The following RAB11FIP5 variants were observed in gnomAD, a reference collection of about 807,000 sequenced individuals.
RAB11FIP5 encodes RAB11 family interacting protein 5, also known as rab11 family-interacting protein 5.
A neutral mutation model predicts 85.1 loss-of-function variants in RAB11FIP5; 48 were observed. The observed-to-expected ratio is 0.56, with a 90% CI of 0.45 to 0.72. The LOEUF is 0.72. Among genes scored for constraint, RAB11FIP5 ranks in the 30% least tolerant of loss-of-function variants. RAB11FIP5 has a pLI of 0.00. For missense variants in RAB11FIP5, 1,491 were observed against 1,687.0 expected (o/e 0.88, Z 2.04); for synonymous variants, 729 against 727.3 (o/e 1.00, Z -0.04).
At chr2:73,100,164 G>T (rs776437188) in intron 1 of RAB11FIP5, among the ~76,000 whole-genome samples, 14 of 152,166 alleles carry the variant, frequency 9.2e-5, no homozygotes, top group Non-Finnish European at 1.6e-4. Context: ...GGCTCCAGAG[G>T]AATCCTCTAG....
At position 73,107,937 on chromosome 2, in the gene RAB11FIP5, G is replaced by A. The variant is rs10199103; in HGVS notation, c.431+4410C>T. Among the ~76,000 whole-genome samples, 1,089 of 152,304 alleles carry A rather than the reference G, an allele frequency of 7.2e-3. 14 individuals carry two copies. Among genetic ancestry groups the A allele is most frequent in the African/African-American group, 0.025 (1,041 of 41,548 alleles). On this transcript the variant is annotated intron_variant, in intron 1 of 5. Coordinates refer to ENST00000486777, the MANE Select transcript of RAB11FIP5 (RefSeq NM_001371272.1). ...GTCACGCACCATCTGCCCACCAACT[G>A]TCTGCCCAGGCTGTCTGTGGGCTAC...
At chr2:73,102,367 G>A (rs1437204415) in intron 1 of RAB11FIP5, among the ~76,000 whole-genome samples, 1 of 152,136 alleles carries the variant, frequency 6.6e-6, no homozygotes, top group Non-Finnish European at 1.5e-5. Flanking sequence ...AGTTCCCATG[G>A]CCAGGCTGAC....
At chr2:73,076,314 A>AC in intron 4 of RAB11FIP5, 132 bp from the exon 5 acceptor site, 1 of 891,130 alleles carries the variant, frequency 1.1e-6, no homozygotes, top group Non-Finnish European at 1.7e-6. Context: ...CTGCCCCTAC[A>AC]GAGTCAAGGT....
At chr2:73,112,103 T>C (rs1353711846) in intron 1 of RAB11FIP5, among the ~76,000 whole-genome samples, 1 of 152,142 alleles carries the variant, frequency 6.6e-6, no homozygotes, top group African/African-American at 2.4e-5. Context: ...CTCCTAACGT[T>C]CGCCACCACT....
At chr2:73,106,264 C>T (rs1684524228) in intron 1 of RAB11FIP5, among the ~76,000 whole-genome samples, 1 of 152,212 alleles carries the variant, frequency 6.6e-6, no homozygotes, top group South Asian at 2.1e-4. Context: ...ACAGGTGCCA[C>T]ATGCTCCAGA....
At position 73,089,261 on chromosome 2, in the gene RAB11FIP5, A is replaced by C; in HGVS notation, c.486T>G (p.Ile162Met). The change falls in exon 2 of 6, where the codon ATT (isoleucine) becomes ATG (methionine). Residue 162 changes from isoleucine to methionine, a missense_variant. Around this residue, in one of 3 missense-constraint regions of RAB11FIP5, gnomAD observed 1,211 missense variants for 1,338.0 expected, o/e 0.91. Coordinates refer to ENST00000486777, the MANE Select transcript of RAB11FIP5 (RefSeq NM_001371272.1). The surrounding 1 kb of genome is among the most constrained non-coding windows in gnomAD (Gnocchi z 4.6). ...PGKKEKERGE[I>M]EVTIQFTRNN... ...TGCGCGTGAACTGGATGGTGACTTC[A>C]ATCTCGCCGCGTTCCTTCTCCTTCT... 3 of 1,614,164 alleles carry C rather than the reference A, an allele frequency of 1.9e-6. No individual in the cohort carries two copies. The highest frequency in any genetic ancestry group is 2.5e-6 in the Non-Finnish European group (3 of 1,180,014).
At chr2:73,084,626 A>T (rs1402558493) in intron 3 of RAB11FIP5, among the ~76,000 whole-genome samples, 2 of 152,136 alleles carry the variant, frequency 1.3e-5, no homozygotes, top group African/African-American at 2.4e-5. Flanking sequence ...CACAGGAACC[A>T]CCTGTTCACC....
intron 4 of RAB11FIP5, among the ~76,000 whole-genome samples, chr2:73,076,578 C>G (rs1313151202): frequency 1.3e-5 from 2 of 152,148 alleles, no homozygotes; most frequent in Non-Finnish European, 2.9e-5. Context: ...ACCAACCCTC[C>G]CAAGTTCCCA....
At position 73,073,868 on chromosome 2, in the gene RAB11FIP5, A is replaced by G. The variant is rs1311890563; in HGVS notation, c.*1653T>C. The stretch of plus-strand genomic sequence containing the variant: ...TGCTCCATCCTGGCAGCAGACAGAC[A>G]TCACCCAGAGGGCACGTGTCTGCCT... On this transcript the variant is annotated 3_prime_UTR_variant, in exon 6 of 6. Coordinates refer to ENST00000486777, the MANE Select transcript of RAB11FIP5 (RefSeq NM_001371272.1). The G allele has an allele frequency of 1.3e-5, 2 of 152,196 alleles. No individual in the cohort carries two copies. The highest frequency in any genetic ancestry group is 2.9e-5 in the Non-Finnish European group (2 of 68,040). 9.4% of individuals were successfully genotyped at this position (152,196 alleles called of 1,614,324 possible).
chr2:73,089,373 G>T lies in RAB11FIP5; in HGVS notation c.432-58C>A. The T allele has an allele frequency of 1.3e-6, 2 of 1,559,704 alleles. No individual in the cohort carries two copies. The highest frequency in any genetic ancestry group is 1.8e-6 in the Non-Finnish European group (2 of 1,139,706). On this transcript the variant is annotated intron_variant, in intron 1 of 5. Transcript: ENST00000486777. The surrounding 1 kb of genome is among the most constrained non-coding windows in gnomAD (Gnocchi z 4.6). ...CACGGGCCCAGGGAGCCTGGCTCCC[G>T]CCCGGTACCAGGCACTGCCCAGACC...
At chr2:73,082,698 C>T (rs1017075241) in intron 3 of RAB11FIP5, among the ~76,000 whole-genome samples, 2 of 152,192 alleles carry the variant, frequency 1.3e-5, no homozygotes, top group Admixed American at 6.5e-5. Flanking sequence ...GGGGACAGGG[C>T]AGGTGCTCTT....
chr2:73,092,459 T>C (rs888904592), intron 1 of RAB11FIP5, among the ~76,000 whole-genome samples: 3 of 152,326 alleles, frequency 2.0e-5, no homozygotes, highest in African/African-American at 7.2e-5. Flanking sequence ...GGAGCATATA[T>C]TACTGTGGTA....
At position 73,112,712 on chromosome 2, in the gene RAB11FIP5, C is replaced by G. The variant is rs760536656; in HGVS notation, c.66G>C (p.Gln22His). Reference sequence around the variant, plus strand: ...GCCCGCGGGCCCGCAGCACCGTCACCTGGACGTGCGTGGGCAGCCAGCGGG... The same window carrying G: ...GCCCGCGGGCCCGCAGCACCGTCACGTGGACGTGCGTGGGCAGCCAGCGGG... The part of the protein sequence containing the change: ...GPSRWLPTHV[Q>H]VTVLRARGLR... The change falls in exon 1 of 6, where the codon CAG becomes CAC. Residue 22 changes from glutamine to histidine, a missense_variant. Physicochemically the swap from Gln to His is conservative, Grantham distance 24. Coordinates refer to ENST00000486777, the MANE Select transcript of RAB11FIP5 (RefSeq NM_001371272.1). 4.1e-5 allele frequency: 63 copies of G among 1,553,986 alleles called. No individual in the cohort carries two copies. The highest frequency in any genetic ancestry group is 1.9e-5 in the Non-Finnish European group (22 of 1,151,920).
chr2:73,089,906 C>A lies in RAB11FIP5; in HGVS notation c.432-591G>T, dbSNP rs1439194181. 8.6e-5 allele frequency among the ~76,000 whole-genome samples: 13 copies of A among 151,706 alleles called. No individual in the cohort carries two copies. The highest frequency in any genetic ancestry group is 1.3e-4 in the Non-Finnish European group (9 of 67,966). On this transcript the variant is annotated intron_variant, in intron 1 of 5. Coordinates refer to ENST00000486777, the MANE Select transcript of RAB11FIP5 (RefSeq NM_001371272.1). The surrounding 1 kb of genome is among the most constrained non-coding windows in gnomAD (Gnocchi z 4.6). ...ATACACACACACACACACACACACA[C>A]ACACACACACCTCACTCACACACTG...
At chr2:73,085,423 G>A (rs544921006) in intron 3 of RAB11FIP5, among the ~76,000 whole-genome samples, 4 of 152,348 alleles carry the variant, frequency 2.6e-5, no homozygotes, top group Non-Finnish European at 4.4e-5. Flanking sequence ...GATGACCCGG[G>A]ATAGACACAA....
chr2:73,089,769 C>A lies in RAB11FIP5; in HGVS notation c.432-454G>T. The A allele has an allele frequency of 3.6e-6, 1 of 276,040 alleles. No homozygotes were observed. The highest frequency in any genetic ancestry group is 7.1e-6 in the Non-Finnish European group (1 of 140,036). 17.1% of individuals were successfully genotyped at this position (276,040 alleles called of 1,614,324 possible). On this transcript the variant is annotated intron_variant, in intron 1 of 5. Coordinates refer to ENST00000486777, the MANE Select transcript of RAB11FIP5 (RefSeq NM_001371272.1). This position sits in a 1 kb window ranked among gnomAD's most constrained non-coding sequence, Gnocchi z 4.6. ...TCCCTGTTGACATCATCTCCTCTGGCCAGTCCCAGCCAAAGCTCTGCTCCC... is the reference window on the plus strand; with the variant it reads ...TCCCTGTTGACATCATCTCCTCTGGACAGTCCCAGCCAAAGCTCTGCTCCC...
rs767201821 is a variant in RAB11FIP5, at chr2:73,112,544, C to T, written c.234G>A (p.Pro78=). The T allele has an allele frequency of 6.5e-7, 1 of 1,542,234 alleles. No individual in the cohort carries two copies. The highest frequency in any genetic ancestry group is 8.7e-7 in the Non-Finnish European group (1 of 1,146,544). The stretch of plus-strand genomic sequence containing the variant: ...GCAGCAGGCCATCCAGGGCCCCCGG[C>T]GGCAGCTCGAAGGAGCACTCCTCAC... ...EWREECSFEL[P]PGALDGLLRA... The change falls in exon 1 of 6, where the codon CCG becomes CCA. Residue 78 remains proline, a synonymous_variant. Transcript: ENST00000486777.
intron 1 of RAB11FIP5, among the ~76,000 whole-genome samples, chr2:73,100,203 TAGGG>T (rs1402979131): frequency 6.6e-6 from 1 of 151,948 alleles, no homozygotes; most frequent in African/African-American, 2.4e-5. Context: ...AATCAGGTGA[TAGGG>T]AGGAAAACAA....
Position 73,088,473 on chromosome 2 carries a change from G to C in RAB11FIP5, c.1145C>G (p.Ser382Cys), listed in dbSNP as rs150166054. The change falls in exon 3 of 6, where the codon TCC (serine) becomes TGC (cysteine). Residue 382 changes from serine (S) to cysteine (C), a missense_variant. Around this residue, in one of 3 missense-constraint regions of RAB11FIP5, gnomAD observed 1,211 missense variants for 1,338.0 expected, o/e 0.91. Transcript: ENST00000486777. Reference sequence around the variant, plus strand: ...GCCTCTGGGCCAGGTGTCATCTGTGGAACGAGGCCCCTCCTCGGAGAACCG... The same window carrying C: ...GCCTCTGGGCCAGGTGTCATCTGTGCAACGAGGCCCCTCCTCGGAGAACCG... ...SSRFSEEGPRSTDDTWPRGSR... is the reference protein window; with the variant it reads ...SSRFSEEGPRCTDDTWPRGSR... The C allele has an allele frequency of 3.1e-6, 5 of 1,613,856 alleles. No individual in the cohort carries two copies. In the African/African-American group the frequency reaches 5.3e-5, roughly 17 times the overall value.
Sources: gnomAD v4.1 joint callset for allele counts (sites outside exome capture counted in the v4.1 genomes callset) on GRCh38, gnomAD v4.1.1 for gene constraint, gnomAD v4.1.1 regional missense constraint, Gnocchi (gnomAD v3.1) non-coding constraint, MANE v1.5 for transcripts, NCBI Gene and HGNC (gene_info 2026-07-23, HGNC 2026-07-21) for gene names.